Variants in PCDH9 observed in about 807,000 individuals in gnomAD.
PCDH9 encodes protocadherin-9.
Under a neutral mutation model 70.6 loss-of-function variants are expected in PCDH9, and 24 were observed. The ratio of observed to expected loss-of-function variants is 0.34; its 90% CI spans 0.25 to 0.48. The LOEUF (loss-of-function observed/expected upper bound fraction) is 0.48. Ranked by LOEUF, PCDH9 falls within the 20% of genes least tolerant of loss-of-function variation. The pLI, the probability that PCDH9 is intolerant of heterozygous loss-of-function variation, is 0.99. For synonymous variants in PCDH9, 562 were observed against 558.5 expected, an observed-to-expected ratio of 1.01 and a Z score of -0.09; for missense variants, 1,281 against 1,503.6, an observed-to-expected ratio of 0.85 and a Z score of 2.45.
rs1367820421 is a variant in PCDH9 at position 66,387,724 on chromosome 13, T to C, written c.3341-82696A>G. On this transcript the variant is annotated intron_variant, in intron 4 of 4. Coordinates refer to ENST00000377865, the MANE Select transcript of PCDH9 (RefSeq NM_203487.3). ...TGTACAGCCTGCAGAACATTTTCTT[T>C]ATAAATTACCCAGCCTCAGATATTC... 5.3e-5 allele frequency among the ~76,000 whole-genome samples: 8 copies of C among 152,060 alleles called. No individual in the cohort carries two copies. In the South Asian group the frequency reaches 8.3e-4, roughly 16 times the overall value.
At chr13:66,903,073 T>C (rs2082303650) in intron 3 of PCDH9, among the ~76,000 whole-genome samples, 1 of 151,832 alleles carries the variant, frequency 6.6e-6, no homozygotes, top group Non-Finnish European at 1.5e-5. Context: ...ATTTAACTAG[T>C]CATATTAAGC....
chr13:67,007,625 C>A (rs74093506), intron 2 of PCDH9, among the ~76,000 whole-genome samples: 1 of 152,144 alleles, frequency 6.6e-6, no homozygotes, highest in African/African-American at 2.4e-5. Flanking sequence ...AGTTGTGAAC[C>A]ATATTGTATA....
intron 2 of PCDH9, among the ~76,000 whole-genome samples, chr13:67,174,081 TAGAC>T (rs897490152): frequency 3.3e-5 from 5 of 152,298 alleles, no homozygotes; most frequent in Middle Eastern, 6.8e-3. Context: ...TATTTTTTCA[TAGAC>T]AGTATGGTTG....
intron 4 of PCDH9, among the ~76,000 whole-genome samples, chr13:66,610,238 G>A (rs1193451776): frequency 6.6e-6 from 1 of 151,804 alleles, no homozygotes; most frequent in African/African-American, 2.4e-5. Flanking sequence ...CAGGGGTAAG[G>A]GGGAAAAAAG....
intron 4 of PCDH9, among the ~76,000 whole-genome samples, chr13:66,381,323 C>T (rs896245358): frequency 3.9e-5 from 6 of 152,144 alleles, no homozygotes; most frequent in Non-Finnish European, 8.8e-5. Context: ...TGTGGAGCAT[C>T]CATTTCCTCA....
intron 2 of PCDH9, among the ~76,000 whole-genome samples, chr13:67,135,941 T>C (rs1410618004): frequency 2.6e-5 from 4 of 152,012 alleles, no homozygotes; most frequent in Non-Finnish European, 4.4e-5. Flanking sequence ...AAAGGGTCTC[T>C]CTGGTATCTC....
chr13:66,737,988 C>T (rs1030857685), intron 3 of PCDH9, among the ~76,000 whole-genome samples: 7 of 152,284 alleles, frequency 4.6e-5, no homozygotes, highest in African/African-American at 7.2e-5. Context: ...CTGGGTGGAG[C>T]CCACCACAGC....
chr13:67,162,273 G>A (rs60999012), intron 2 of PCDH9, among the ~76,000 whole-genome samples: 10,996 of 152,180 alleles, frequency 0.072, 661 homozygotes, highest in African/African-American at 0.15. Context: ...TTCTTGAATT[G>A]TAGTTCTAGT....
intron 2 of PCDH9, among the ~76,000 whole-genome samples, chr13:67,024,554 T>C (rs1359497884): frequency 1.3e-5 from 2 of 152,154 alleles, no homozygotes; most frequent in Non-Finnish European, 2.9e-5. Context: ...TTCTACTTAT[T>C]GTATCTGTAT....
At chr13:67,169,489 T>C (rs1422931920) in intron 2 of PCDH9, among the ~76,000 whole-genome samples, 1 of 152,208 alleles carries the variant, frequency 6.6e-6, no homozygotes, top group Admixed American at 6.5e-5. Flanking sequence ...TTACATGTCT[T>C]TTGGCCTCTG....
At chr13:66,855,178 T>C (rs1287980517) in intron 3 of PCDH9, among the ~76,000 whole-genome samples, 1 of 152,100 alleles carries the variant, frequency 6.6e-6, no homozygotes, top group Non-Finnish European at 1.5e-5. Context: ...AATGGGAAGA[T>C]GACTTGTCTG....
At chr13:66,310,549 C>T (rs1283609659) in intron 4 of PCDH9, among the ~76,000 whole-genome samples, 2 of 151,986 alleles carry the variant, frequency 1.3e-5, no homozygotes, top group African/African-American at 4.8e-5. Context: ...TGACCACCGA[C>T]CTTTCAATCT....
intron 2 of PCDH9, among the ~76,000 whole-genome samples, chr13:67,192,603 T>C (rs755925585): frequency 4.6e-5 from 7 of 152,134 alleles, no homozygotes; most frequent in Non-Finnish European, 1.0e-4. Context: ...GGGGTGGTAT[T>C]AGAAATGTAT....
intron 2 of PCDH9, among the ~76,000 whole-genome samples, chr13:66,950,606 T>C (rs771312389): frequency 6.6e-5 from 10 of 152,046 alleles, no homozygotes; most frequent in Non-Finnish European, 1.5e-4. Flanking sequence ...AAGTAAGAGA[T>C]TGTCTTCTGA....
At chr13:67,179,385 C>T (rs896117096) in intron 2 of PCDH9, among the ~76,000 whole-genome samples, 1 of 152,040 alleles carries the variant, frequency 6.6e-6, no homozygotes, top group African/African-American at 2.4e-5. Context: ...GTTAAAGGTG[C>T]TTGTCATAGA....
At chr13:66,705,398 T>C (rs2078698497) in intron 3 of PCDH9, among the ~76,000 whole-genome samples, 1 of 152,190 alleles carries the variant, frequency 6.6e-6, no homozygotes, top group African/African-American at 2.4e-5. Context: ...CTTAACTATA[T>C]GTTGATTCAA....
intron 3 of PCDH9, among the ~76,000 whole-genome samples, chr13:66,708,338 C>T (rs879769790): frequency 6.6e-6 from 1 of 151,826 alleles, no homozygotes; most frequent in African/African-American, 2.4e-5. Context: ...CGTGAGCCAC[C>T]GCGCCCGGCC....
chr13:66,840,080 C>T (rs1459570663), intron 3 of PCDH9, among the ~76,000 whole-genome samples: 1 of 152,076 alleles, frequency 6.6e-6, no homozygotes, highest in African/African-American at 2.4e-5. Flanking sequence ...TCCCTTAGCC[C>T]TTGTGGTGCT....
intron 3 of PCDH9, among the ~76,000 whole-genome samples, chr13:66,633,711 A>C (rs2077601462): frequency 1.3e-5 from 2 of 152,202 alleles, no homozygotes; most frequent in Non-Finnish European, 1.5e-5. Flanking sequence ...ATGATTCTTG[A>C]ATCTTCGTAA....
Sources: allele counts gnomAD v4.1 joint callset (sites outside exome capture counted in the v4.1 genomes callset), GRCh38; gene constraint gnomAD v4.1.1; transcripts MANE v1.5; gene names NCBI Gene and HGNC (gene_info 2026-07-23, HGNC 2026-07-21).